Variants in PLCB4 observed in about 807,000 individuals in gnomAD.
PLCB4 encodes the protein 1-phosphatidylinositol 4,5-bisphosphate phosphodiesterase beta-4.
PLCB4 carries 77 observed loss-of-function variants against 178.8 expected under a neutral mutation model. That is an observed-to-expected ratio of 0.43 (90% confidence interval 0.36 to 0.52). PLCB4 has a LOEUF of 0.52. Ranked by LOEUF, PLCB4 falls within the 20% of genes least tolerant of loss-of-function variation. The pLI is 0.00. For missense variants in PLCB4, 1,024 were observed against 1,453.4 expected, an observed-to-expected ratio of 0.70 and a Z score of 4.80; for synonymous variants, 496 against 490.8, an observed-to-expected ratio of 1.01 and a Z score of -0.14.
At chr20:9,068,816 G>C (rs964100402), upstream of PLCB4, 1 of 151,484 alleles carries the variant, frequency 6.6e-6, no homozygotes, top group South Asian at 2.1e-4. Context: ...AGCGGGGGAC[G>C]CGCAGGGCCC....
At chr20:9,424,539 C>G (rs2040861494) in intron 28 of PLCB4, among the ~76,000 whole-genome samples, 1 of 152,174 alleles carries the variant, frequency 6.6e-6, no homozygotes. Flanking sequence ...AGCAAAGATC[C>G]TCTATATTGT....
Position 9,437,051 on chromosome 20 carries a change from G to A in PLCB4, c.2663G>A (p.Gly888Glu), listed in dbSNP as rs866533934. 2 of 1,614,054 alleles carry A rather than the reference G, an allele frequency of 1.2e-6. No homozygotes were observed. The highest frequency in any genetic ancestry group is 1.6e-4 in the Middle Eastern group (1 of 6,062). The change falls in exon 30 of 40, where the codon GGA becomes GAA. Residue 888 changes from glycine (G) to glutamate (E), a missense_variant. Physicochemically the swap from Gly to Glu is moderately conservative, Grantham distance 98 (BLOSUM62 -2). This residue lies in a region of PLCB4 where 227 missense variants were observed against 374.3 expected (regional missense o/e 0.61). Transcript: ENST00000378473. ...PSDTSKNDKK[G>E]KANTAKANVT... ...GACACTTCCAAAAATGACAAGAAAG[G>A]AAAGGCCAACACCGCCAAAGCAAAT...
intron 7 of PLCB4, among the ~76,000 whole-genome samples, chr20:9,342,671 C>T (rs1221966077): frequency 9.6e-4 from 130 of 135,622 alleles, no homozygotes; most frequent in Non-Finnish European, 1.1e-3. Flanking sequence ...TTTTTTTTTT[C>T]CCCCTGTACT....
intron 35 of PLCB4, among the ~76,000 whole-genome samples, chr20:9,460,387 C>T (rs1411560013): frequency 6.6e-6 from 1 of 152,102 alleles, no homozygotes. Context: ...CTAGAGTGAC[C>T]AGGTTCTGAT....
chr20:9,144,508 A>G (rs6140874), intron 2 of PLCB4, among the ~76,000 whole-genome samples: 57,818 of 151,114 alleles, frequency 0.38, 12,395 homozygotes, highest in Middle Eastern at 0.52. Flanking sequence ...CAGATATAGT[A>G]TCTAAGGGGT....
At chr20:9,190,616 T>C (rs1036739835) in intron 2 of PLCB4, among the ~76,000 whole-genome samples, 1 of 152,142 alleles carries the variant, frequency 6.6e-6, no homozygotes, top group Admixed American at 6.5e-5. Context: ...TTTGGAATGA[T>C]TAACCATCAG....
chr20:9,274,677 C>G (rs758003271), intron 3 of PLCB4, among the ~76,000 whole-genome samples: 2 of 152,028 alleles, frequency 1.3e-5, no homozygotes, highest in Non-Finnish European at 2.9e-5. Flanking sequence ...TTTGCCTCTA[C>G]TCTTTGTTTC....
chr20:9,356,850 T>G (rs2034871975), intron 7 of PLCB4, among the ~76,000 whole-genome samples: 1 of 152,220 alleles, frequency 6.6e-6, no homozygotes, highest in Non-Finnish European at 1.5e-5. Context: ...GTGCAGTGGC[T>G]CATGCCTGTA....
intron 2 of PLCB4, among the ~76,000 whole-genome samples, chr20:9,163,061 C>A (rs112376347): frequency 2.0e-3 from 306 of 152,208 alleles, no homozygotes; most frequent in Middle Eastern, 6.8e-3. Context: ...TTGTCTTTTG[C>A]AGGCCTTGGA....
intron 25 of PLCB4, among the ~76,000 whole-genome samples, chr20:9,418,869 G>A (rs1160016980): frequency 6.6e-6 from 1 of 151,652 alleles, no homozygotes; most frequent in African/African-American, 2.4e-5. Flanking sequence ...TTTTCAAATT[G>A]TAGACACTTA....
intron 14 of PLCB4, among the ~76,000 whole-genome samples, chr20:9,386,749 C>T (rs1401886893): frequency 6.6e-6 from 1 of 151,470 alleles, no homozygotes; most frequent in East Asian, 1.9e-4. Context: ...ATGTTGGTGT[C>T]CTGCACCCAT....
intron 7 of PLCB4, among the ~76,000 whole-genome samples, chr20:9,353,184 G>A (rs927408707): frequency 6.6e-6 from 1 of 152,194 alleles, no homozygotes; most frequent in Non-Finnish European, 1.5e-5. Context: ...GTAGGTTGCT[G>A]TCAGTCATTA....
At chr20:9,256,644 C>T (rs939188991) in intron 3 of PLCB4, among the ~76,000 whole-genome samples, 6 of 152,298 alleles carry the variant, frequency 3.9e-5, no homozygotes, top group East Asian at 1.9e-4. Flanking sequence ...TGTTATATTT[C>T]GTTACAGATA....
intron 2 of PLCB4, among the ~76,000 whole-genome samples, chr20:9,121,023 C>A (rs186261096): frequency 6.6e-6 from 1 of 152,128 alleles, no homozygotes; most frequent in Non-Finnish European, 1.5e-5. Context: ...CACCCCTCAC[C>A]GGGATGATCT....
chr20:9,449,649 A>G (rs185191405), intron 32 of PLCB4, among the ~76,000 whole-genome samples: 6 of 152,374 alleles, frequency 3.9e-5, no homozygotes, highest in Non-Finnish European at 8.8e-5. Context: ...CAGGCAGGAT[A>G]CATTCCTTAG....
At chr20:9,230,656 G>A (rs534891942) in intron 3 of PLCB4, among the ~76,000 whole-genome samples, 1 of 152,158 alleles carries the variant, frequency 6.6e-6, no homozygotes, top group Non-Finnish European at 1.5e-5. Context: ...GTCTCCATTG[G>A]GCTCTCTTAT....
At chr20:9,393,232 C>G (rs1169707386) in intron 17 of PLCB4, among the ~76,000 whole-genome samples, 1 of 152,146 alleles carries the variant, frequency 6.6e-6, no homozygotes. Flanking sequence ...CTGAACCCAG[C>G]CATCACAATT....
intron 3 of PLCB4, among the ~76,000 whole-genome samples, chr20:9,224,257 T>C (rs2093836109): frequency 6.6e-6 from 1 of 152,172 alleles, no homozygotes. Flanking sequence ...GGGAGCGCTG[T>C]GGTATGAGCA....
chr20:9,259,618 T>A (rs1601482895), intron 3 of PLCB4, among the ~76,000 whole-genome samples: 1 of 152,072 alleles, frequency 6.6e-6, no homozygotes, highest in African/African-American at 2.4e-5. Flanking sequence ...TGGCATACTG[T>A]GGAGTTAAAT....
Sources: allele counts gnomAD v4.1 joint callset (sites outside exome capture counted in the v4.1 genomes callset), GRCh38; gene constraint gnomAD v4.1.1; regional missense constraint gnomAD v4.1.1; transcripts MANE v1.5; gene names NCBI Gene and HGNC (gene_info 2026-07-23, HGNC 2026-07-21).